Variants in NDUFA5 observed in about 807,000 individuals in gnomAD.
The protein encoded by NDUFA5 is NADH:ubiquinone oxidoreductase subunit A5.
In NDUFA5, 11 loss-of-function variants were observed where a neutral mutation model predicts 19.8. That is an observed-to-expected ratio of 0.56 (90% CI 0.35 to 0.92). The LOEUF is 0.92. NDUFA5 is among the 40% of genes least tolerant of loss of function. The pLI is 0.01. For synonymous variants in NDUFA5, 47 were observed against 46.8 expected (o/e 1.00, Z -0.01); for missense variants, 109 against 134.2 (o/e 0.81, Z 0.93).
the NDUFA5 span, among the ~76,000 whole-genome samples, chr7:123,564,651 C>A: frequency 6.6e-6 from 1 of 151,898 alleles, no homozygotes; most frequent in African/African-American, 2.4e-5. Flanking sequence ...CATACACACA[C>A]ATATACAGAT....
At chr7:123,576,933 G>T in the NDUFA5 span, among the ~76,000 whole-genome samples, 1 of 152,002 alleles carries the variant, frequency 6.6e-6, no homozygotes, top group Non-Finnish European at 1.5e-5. Flanking sequence ...TCTCCGTGTT[G>T]CTTATGCACA....
the NDUFA5 span, among the ~76,000 whole-genome samples, chr7:123,577,037 C>A: frequency 1.3e-5 from 2 of 152,106 alleles, no homozygotes; most frequent in Non-Finnish European, 2.9e-5. Flanking sequence ...GGAAATTATT[C>A]TCTTATTGAT....
At chr7:123,572,202 C>T in the NDUFA5 span, among the ~76,000 whole-genome samples, 38 of 126,772 alleles carry the variant, frequency 3.0e-4, no homozygotes, top group South Asian at 1.1e-3. Context: ...AGTGCAGTGA[C>T]GCGATCTTGC....
the NDUFA5 span, among the ~76,000 whole-genome samples, chr7:123,583,863 C>T: frequency 6.6e-6 from 1 of 151,754 alleles, no homozygotes; most frequent in African/African-American, 2.4e-5. Flanking sequence ...AAAAACCAAA[C>T]CTAAAGTTTG....
chr7:123,576,940 C>T, the NDUFA5 span, among the ~76,000 whole-genome samples: 4 of 152,064 alleles, frequency 2.6e-5, no homozygotes, highest in African/African-American at 4.8e-5. Context: ...GTTGCTTATG[C>T]ACAAATTTTC....
the NDUFA5 span, among the ~76,000 whole-genome samples, chr7:123,590,749 T>C: frequency 6.6e-6 from 1 of 152,170 alleles, no homozygotes; most frequent in Non-Finnish European, 1.5e-5. Flanking sequence ...TCCAACTTTG[T>C]TCTATTTGCT....
At chr7:123,559,639 C>T (rs961695927), upstream of NDUFA5, among the ~76,000 whole-genome samples, 34 of 152,052 alleles carry the variant, frequency 2.2e-4, no homozygotes, top group South Asian at 2.1e-4. Context: ...GGAGGATCAC[C>T]TGAGGTCAAG....
chr7:123,564,625 T>C, the NDUFA5 span, among the ~76,000 whole-genome samples: 1 of 152,100 alleles, frequency 6.6e-6, no homozygotes, highest in African/African-American at 2.4e-5. Context: ...TGTGTGTGTG[T>C]ATATACACAT....
the NDUFA5 span, among the ~76,000 whole-genome samples, chr7:123,587,894 C>T: frequency 6.6e-6 from 1 of 151,584 alleles, no homozygotes; most frequent in Non-Finnish European, 1.5e-5. Flanking sequence ...TGCCACTTAA[C>T]CATGGTACAT....
chr7:123,587,732 G>T, the NDUFA5 span, among the ~76,000 whole-genome samples: 1 of 151,604 alleles, frequency 6.6e-6, no homozygotes, highest in African/African-American at 2.4e-5. Context: ...TTAGCTGAGA[G>T]TTTTTAATAT....
chr7:123,596,932 C>T, the NDUFA5 span, among the ~76,000 whole-genome samples: 1 of 152,088 alleles, frequency 6.6e-6, no homozygotes, highest in South Asian at 2.1e-4. Context: ...TATAATTAGG[C>T]TTGGTTTATA....
At chr7:123,561,758 C>T (rs551278372), upstream of NDUFA5, among the ~76,000 whole-genome samples, 34 of 152,098 alleles carry the variant, frequency 2.2e-4, no homozygotes, top group Admixed American at 2.0e-4. Flanking sequence ...CCACCGCACC[C>T]GGCTAATTTT....
At chr7:123,551,494 C>T in intron 2 of NDUFA5, 4 of 966,880 alleles carry the variant, frequency 4.1e-6, no homozygotes, top group Non-Finnish European at 4.9e-6. Context: ...CAGGCGTGAG[C>T]CCACCCAGCC....
At chr7:123,560,464 CAAAT>C (rs1462907214), upstream of NDUFA5, among the ~76,000 whole-genome samples, 1 of 152,156 alleles carries the variant, frequency 6.6e-6, no homozygotes, top group Non-Finnish European at 1.5e-5. Context: ...ACAATTAAAA[CAAAT>C]AACTTCAGCA....
At chr7:123,556,969 T>A in intron 2 of NDUFA5, 1 of 448,276 alleles carries the variant, frequency 2.2e-6, no homozygotes, top group Non-Finnish European at 4.4e-6. Context: ...TTTTGTGGGT[T>A]TTTTTGATGA....
the NDUFA5 span, among the ~76,000 whole-genome samples, chr7:123,585,750 T>A: frequency 5.3e-5 from 8 of 151,742 alleles, no homozygotes; most frequent in Admixed American, 2.6e-4. Flanking sequence ...GTACATTAGA[T>A]CTCTAAAACT....
intron 3 of NDUFA5, among the ~76,000 whole-genome samples, chr7:123,546,442 T>C (rs564820759): frequency 1.3e-5 from 2 of 152,332 alleles, no homozygotes; most frequent in African/African-American, 4.8e-5. Context: ...TACACATTTG[T>C]AATGTATATA....
At chr7:123,573,025 T>A in the NDUFA5 span, among the ~76,000 whole-genome samples, 1 of 152,142 alleles carries the variant, frequency 6.6e-6, no homozygotes, top group African/African-American at 2.4e-5. Flanking sequence ...TTTAACAACA[T>A]CTAAATGTGA....
chr7:123,567,430 T>C, the NDUFA5 span, among the ~76,000 whole-genome samples: 1 of 152,214 alleles, frequency 6.6e-6, no homozygotes, highest in East Asian at 1.9e-4. Flanking sequence ...CAAAATTTGC[T>C]TTGTGATGCC....
Sources: gnomAD v4.1 joint callset for allele counts (sites outside exome capture counted in the v4.1 genomes callset) on GRCh38, gnomAD v4.1.1 for gene constraint, MANE v1.5 for transcripts, NCBI Gene and HGNC (gene_info 2026-07-23, HGNC 2026-07-21) for gene names.